Variants in TMX4 observed in about 807,000 individuals in gnomAD.
TMX4 encodes the protein thioredoxin-related transmembrane protein 4.
In TMX4, 23 loss-of-function variants were observed where a neutral mutation model predicts 33.3. The observed-to-expected ratio is 0.69, with a 90% confidence interval of 0.50 to 0.98. The LOEUF is 0.98. Among genes scored for constraint, TMX4 ranks in the 50% least tolerant of loss-of-function variants. The pLI is 0.00. For synonymous variants in TMX4, 164 were observed against 161.5 expected (o/e 1.02, Z -0.12); for missense variants, 399 against 448.9 (o/e 0.89, Z 1.01).
At chr20:8,003,937 T>C (rs1385950804) in intron 2 of TMX4, among the ~76,000 whole-genome samples, 2 of 152,150 alleles carry the variant, frequency 1.3e-5, no homozygotes, top group African/African-American at 2.4e-5. Context: ...CTATGTGGAA[T>C]ATTAACAATG....
intron 5 of TMX4, among the ~76,000 whole-genome samples, chr20:7,993,449 G>T (rs1273679520): frequency 1.3e-5 from 2 of 152,190 alleles, no homozygotes; most frequent in Non-Finnish European, 2.9e-5. Context: ...TGAGCTAACT[G>T]AGCAGGCAGG....
intron 1 of TMX4, among the ~76,000 whole-genome samples, chr20:8,018,529 T>TTTTCC (rs1555779552): frequency 5.0e-5 from 2 of 40,228 alleles, no homozygotes; most frequent in African/African-American, 1.0e-4. Context: ...AGAGAGAGAG[T>TTTTCC]CTGCAAGCCC....
chr20:7,991,506 G>C (rs2050654701), intron 5 of TMX4, among the ~76,000 whole-genome samples: 1 of 152,138 alleles, frequency 6.6e-6, no homozygotes, highest in African/African-American at 2.4e-5. Flanking sequence ...GCTCCAGTGA[G>C]CACTTCCTTT....
chr20:8,002,929 T>C (rs769510352), intron 2 of TMX4, among the ~76,000 whole-genome samples: 45 of 152,130 alleles, frequency 3.0e-4, no homozygotes, highest in Non-Finnish European at 5.9e-4. Context: ...CTACAAAAAT[T>C]TGTCATTGTA....
At chr20:7,991,516 TA>T (rs990708801) in intron 5 of TMX4, among the ~76,000 whole-genome samples, 16 of 152,268 alleles carry the variant, frequency 1.1e-4, no homozygotes, top group Non-Finnish European at 2.1e-4. Flanking sequence ...GCACTTCCTT[TA>T]AGTGTCACGT....
At chr20:7,993,126 A>G (rs1253138010) in intron 5 of TMX4, among the ~76,000 whole-genome samples, 1 of 152,208 alleles carries the variant, frequency 6.6e-6, no homozygotes, top group Non-Finnish European at 1.5e-5. Context: ...ATGTATCCAG[A>G]TATTTCAGTA....
chr20:8,019,501 C>T lies in TMX4; in HGVS notation c.113G>A (p.Arg38Gln). Reference protein sequence around the residue: ...EEAALPPEQSRVQPMTASNWT... With the variant: ...EEAALPPEQSQVQPMTASNWT... ...GTTGGAGGCGGTCATGGGCTGGACC[C>T]GGCTCTGCTCCGGCGGCAGCGCGGC... The change falls in exon 1 of 8, where the codon CGG (arginine) becomes CAG (glutamine). Residue 38 changes from arginine (R) to glutamine (Q), a missense_variant. Transcript: ENST00000246024. 2 of 1,504,834 alleles carry T rather than the reference C, an allele frequency of 1.3e-6. No individual in the cohort carries two copies. Among genetic ancestry groups the T allele is most frequent in the Non-Finnish European group, 1.8e-6 (2 of 1,127,094 alleles). 93.2% of individuals were successfully genotyped at this position (1,504,834 alleles called of 1,614,324 possible).
At position 7,979,669 on chromosome 20, in the gene TMX4, G is replaced by A. The variant is rs1295067566; in HGVS notation, c.*2582C>T. 6.6e-6 allele frequency: 1 copy of A among 151,692 alleles called. No individual in the cohort carries two copies. The highest frequency in any genetic ancestry group is 1.5e-5 in the Non-Finnish European group (1 of 67,948). The allele number at this position is 151,692 out of a possible 1,614,324, so 9.4% of individuals were successfully genotyped here. A position where few individuals can be genotyped will look rare whatever the true frequency, so the allele number is the denominator to read the frequency against. On this transcript the variant is annotated 3_prime_UTR_variant, in exon 8 of 8. Coordinates refer to ENST00000246024, the MANE Select transcript of TMX4 (RefSeq NM_021156.4). ...CAGGAGAATCCCTTGAACTAGGGAG[G>A]CGGAGGTTGTAGTAAGCCAAGATTG...
At position 7,982,555 on chromosome 20, in the gene TMX4, T is replaced by C. The variant is rs1177004394; in HGVS notation, c.746A>G (p.Asp249Gly). 1.2e-6 allele frequency: 2 copies of C among 1,613,908 alleles called. No homozygotes were observed. The highest frequency in any genetic ancestry group is 2.7e-5 in the African/African-American group (2 of 74,930). Residue 249 changes from aspartate to glycine, a missense_variant, in exon 8 of 8, where the codon GAT becomes GGT. By Grantham distance (94) the Asp-to-Gly change is moderately conservative. Transcript: ENST00000246024. Reference sequence around the variant, plus strand: ...TTTGTTTTCTTCTTCATTTGAATCATCTTTTTCCTCCTCCGCATCCTGCAA... The same window carrying C: ...TTTGTTTTCTTCTTCATTTGAATCACCTTTTTCCTCCTCCGCATCCTGCAA... ...EQLQDAEEEK[D>G]DSNEEENKDS...
At chr20:7,994,941 AT>A (rs774713730) in intron 5 of TMX4, among the ~76,000 whole-genome samples, 1 of 152,206 alleles carries the variant, frequency 6.6e-6, no homozygotes, top group Non-Finnish European at 1.5e-5. Context: ...AATATTAGTT[AT>A]TGTTTATTGT....
chr20:8,016,010 T>C (rs6140502), intron 1 of TMX4, among the ~76,000 whole-genome samples: 12,361 of 152,286 alleles, frequency 0.081, 1,092 homozygotes, highest in East Asian at 0.53. Flanking sequence ...CCAGAATGTA[T>C]CATATTACAT....
intron 5 of TMX4, among the ~76,000 whole-genome samples, chr20:7,991,230 T>C: frequency 6.6e-6 from 1 of 152,202 alleles, no homozygotes; most frequent in East Asian, 1.9e-4. Flanking sequence ...GCCATATGCC[T>C]ACATCCTCTC....
At chr20:8,010,434 C>A in intron 1 of TMX4, 119 bp from the exon 2 acceptor site, 2 of 584,178 alleles carry the variant, frequency 3.4e-6, no homozygotes, top group South Asian at 1.0e-4. Context: ...TAAAAGGAGG[C>A]TTTTCCAAAG....
rs1457397236 is a variant in TMX4 at position 7,977,354 on chromosome 20, G to A, written c.*4897C>T. On this transcript the variant is annotated 3_prime_UTR_variant, in exon 8 of 8. Transcript: ENST00000246024. ...TGAATGAACAGACTAGATGGAGGAT[G>A]GACACGAAGGAAAATTTTTTTTAAC... 1 of 152,188 alleles carries A rather than the reference G, an allele frequency of 6.6e-6. No homozygotes were observed. Among genetic ancestry groups the A allele is most frequent in the Non-Finnish European group, 1.5e-5 (1 of 68,036 alleles). The allele number at this position is 152,188 out of a possible 1,614,324, so 9.4% of individuals were successfully genotyped here.
intron 2 of TMX4, among the ~76,000 whole-genome samples, chr20:8,007,108 C>T (rs985304668): frequency 1.3e-5 from 2 of 152,172 alleles, no homozygotes; most frequent in African/African-American, 4.8e-5. Flanking sequence ...CCTGTTCTCA[C>T]GACTCTGGCA....
intron 2 of TMX4, among the ~76,000 whole-genome samples, chr20:8,008,269 A>G (rs2050738715): frequency 6.6e-6 from 1 of 152,162 alleles, no homozygotes; most frequent in Admixed American, 6.5e-5. Context: ...GCCTCTGCCT[A>G]TAAAAAATTG....
intron 6 of TMX4, 142 bp from the exon 7 acceptor site, chr20:7,983,999 A>T (rs2050620126): frequency 1.7e-6 from 1 of 602,708 alleles, no homozygotes; most frequent in Non-Finnish European, 2.9e-6. Context: ...AGAGACAAGG[A>T]TATAATTAAG....
At chr20:7,995,014 G>T (rs906711625) in intron 5 of TMX4, among the ~76,000 whole-genome samples, 3 of 152,072 alleles carry the variant, frequency 2.0e-5, no homozygotes, top group Non-Finnish European at 4.4e-5. Context: ...TCTTCAATTC[G>T]CCTCTGTTGT....
intron 4 of TMX4, among the ~76,000 whole-genome samples, chr20:7,996,917 G>A (rs1458443367): frequency 6.6e-6 from 1 of 151,908 alleles, no homozygotes; most frequent in East Asian, 1.9e-4. Context: ...TTAAAATCTG[G>A]CTTCCACCCT....
Sources: gnomAD v4.1 joint callset for allele counts (sites outside exome capture counted in the v4.1 genomes callset) on GRCh38, gnomAD v4.1.1 for gene constraint, MANE v1.5 for transcripts, NCBI Gene and HGNC (gene_info 2026-07-23, HGNC 2026-07-21) for gene names.